The following FGF14 variants were observed in gnomAD, a reference collection of about 807,000 sequenced individuals.
FGF14 encodes the protein fibroblast growth factor 14.
In FGF14, 5 loss-of-function variants were observed where a neutral mutation model predicts 25.5. That is an observed-to-expected ratio of 0.20 (90% CI 0.10 to 0.41). FGF14 has a LOEUF of 0.41. Ranked by LOEUF, FGF14 falls within the 10% of genes least tolerant of loss-of-function variation. FGF14 has a pLI of 1.00. For missense variants in FGF14, 222 were observed against 320.1 expected, an observed-to-expected ratio of 0.69 and a Z score of 2.34; for synonymous variants, 138 against 118.3, an observed-to-expected ratio of 1.17 and a Z score of -1.08.
chr13:102,113,729 T>G (rs2045339673), intron 1 of FGF14, among the ~76,000 whole-genome samples: 1 of 152,184 alleles, frequency 6.6e-6, no homozygotes. Context: ...ACATGACCCT[T>G]CCACCCCTTT....
chr13:102,063,872 A>G (rs116168080), intron 1 of FGF14, among the ~76,000 whole-genome samples: 1,529 of 152,304 alleles, frequency 0.01, 23 homozygotes, highest in African/African-American at 0.035. Flanking sequence ...TATGTCAACA[A>G]TGAAGCTGAC....
chr13:102,222,790 T>C (rs77084564), intron 1 of FGF14, among the ~76,000 whole-genome samples: 1,528 of 152,218 alleles, frequency 0.01, 31 homozygotes, highest in African/African-American at 0.034. Context: ...CACACACTCC[T>C]CTAATCAATG....
Position 102,381,332 on chromosome 13 carries a change from C to A in FGF14, c.208+20139G>T, listed in dbSNP as rs574984390. The stretch of plus-strand genomic sequence containing the variant: ...ATATGTTGAAACCTAATCTTCAATG[C>A]AATTAATATTAAGAGGTGGAGCCTC... On this transcript the variant is annotated intron_variant, in intron 1 of 4. Transcript: ENST00000376131. 2.0e-5 allele frequency among the ~76,000 whole-genome samples: 3 copies of A among 152,256 alleles called. No homozygotes were observed. The South Asian group carries it at 6.2e-4, about 32-fold the overall frequency.
intron 1 of FGF14, among the ~76,000 whole-genome samples, chr13:102,035,463 A>T (rs986164278): frequency 6.6e-6 from 1 of 152,098 alleles, no homozygotes; most frequent in Non-Finnish European, 1.5e-5. Flanking sequence ...CTTGGGCTCT[A>T]GCCTGTATAT....
At chr13:101,986,769 C>T (rs2038603674) in intron 1 of FGF14, among the ~76,000 whole-genome samples, 1 of 152,100 alleles carries the variant, frequency 6.6e-6, no homozygotes, top group African/African-American at 2.4e-5. Context: ...TTGTCTAAAA[C>T]TGAACTCTTG....
At chr13:102,274,625 T>C (rs946962345) in intron 1 of FGF14, among the ~76,000 whole-genome samples, 1 of 152,086 alleles carries the variant, frequency 6.6e-6, no homozygotes, top group African/African-American at 2.4e-5. Flanking sequence ...TATAATATAT[T>C]TTTTAAAGAA....
At chr13:102,105,500 AT>A (rs1294062957) in intron 1 of FGF14, among the ~76,000 whole-genome samples, 3 of 152,206 alleles carry the variant, frequency 2.0e-5, no homozygotes, top group Non-Finnish European at 4.4e-5. Context: ...TAAATCCCTA[AT>A]CATGGAAATT....
chr13:102,389,507 A>G (rs112673464), intron 1 of FGF14, among the ~76,000 whole-genome samples: 1,684 of 152,350 alleles, frequency 0.011, 22 homozygotes, highest in African/African-American at 0.038. Context: ...ATTACTGCAC[A>G]TCTTCTAACA....
At chr13:102,243,519 A>C (rs1232432241) in intron 1 of FGF14, among the ~76,000 whole-genome samples, 2 of 152,096 alleles carry the variant, frequency 1.3e-5, no homozygotes, top group Non-Finnish European at 2.9e-5. Flanking sequence ...ACAACAAAAA[A>C]ACTAATTTTC....
intron 1 of FGF14, among the ~76,000 whole-genome samples, chr13:101,904,808 T>C (rs2032030995): frequency 6.6e-6 from 1 of 152,186 alleles, no homozygotes; most frequent in Admixed American, 6.5e-5. Flanking sequence ...TTTCTAATGA[T>C]AAAAAATGTG....
intron 3 of FGF14, among the ~76,000 whole-genome samples, chr13:101,833,368 G>A (rs954837370): frequency 3.9e-5 from 6 of 151,996 alleles, no homozygotes; most frequent in African/African-American, 1.4e-4. Flanking sequence ...GAAAAGGAGT[G>A]GATTCTCAGT....
chr13:101,809,087 C>G (rs572187172), intron 3 of FGF14, among the ~76,000 whole-genome samples: 1 of 152,166 alleles, frequency 6.6e-6, no homozygotes, highest in South Asian at 2.1e-4. Flanking sequence ...AGTACTATCT[C>G]ACTTTAATAT....
At chr13:101,839,824 C>CTTTGAAA (rs2043110927) in intron 3 of FGF14, among the ~76,000 whole-genome samples, 1 of 151,982 alleles carries the variant, frequency 6.6e-6, no homozygotes, top group African/African-American at 2.4e-5. Context: ...GTAATGTATG[C>CTTTGAAA]TCTATGCTTT....
intron 1 of FGF14, among the ~76,000 whole-genome samples, chr13:101,944,567 T>A (rs1228115546): frequency 6.6e-6 from 1 of 152,184 alleles, no homozygotes; most frequent in East Asian, 1.9e-4. Context: ...ATTACAATAT[T>A]AAAGCTCACT....
intron 1 of FGF14, among the ~76,000 whole-genome samples, chr13:102,145,973 A>G (rs1037289144): frequency 2.6e-5 from 4 of 152,240 alleles, no homozygotes; most frequent in African/African-American, 9.6e-5. Flanking sequence ...GTGCATTAGG[A>G]GAAAACAGTG....
intron 1 of FGF14, among the ~76,000 whole-genome samples, chr13:102,263,607 G>A (rs1024834088): frequency 2.0e-5 from 3 of 152,002 alleles, no homozygotes; most frequent in African/African-American, 7.3e-5. Context: ...ACTAATTTAG[G>A]CTCTACGTAT....
chr13:102,198,095 T>C (rs1435439691), intron 1 of FGF14, among the ~76,000 whole-genome samples: 1 of 152,208 alleles, frequency 6.6e-6, no homozygotes, highest in Non-Finnish European at 1.5e-5. Context: ...CGCAGAGTTG[T>C]CATCTTATGA....
chr13:102,348,341 C>T (rs1047887849), intron 1 of FGF14, among the ~76,000 whole-genome samples: 3 of 152,074 alleles, frequency 2.0e-5, no homozygotes, highest in African/African-American at 7.3e-5. Flanking sequence ...TTACGGGATA[C>T]AGCATGAGGG....
At chr13:102,150,258 A>AT (rs1286872088) in intron 1 of FGF14, among the ~76,000 whole-genome samples, 1 of 151,172 alleles carries the variant, frequency 6.6e-6, no homozygotes, top group Admixed American at 6.6e-5. Flanking sequence ...AAATGTCTAC[A>AT]TTCTCTAGAG....
Sources: gnomAD v4.1 joint callset for allele counts (sites outside exome capture counted in the v4.1 genomes callset) on GRCh38, gnomAD v4.1.1 for gene constraint, MANE v1.5 for transcripts, NCBI Gene and HGNC (gene_info 2026-07-23, HGNC 2026-07-21) for gene names.